P3H4: variants seen among roughly 807,000 people sequenced by gnomAD.
The protein encoded by P3H4 is endoplasmic reticulum protein SC65.
In P3H4, 47 loss-of-function variants were observed where a neutral mutation model predicts 52.9. That is an observed-to-expected ratio of 0.89 (90% CI 0.70 to 1.13). P3H4 has a LOEUF of 1.13. Among genes scored for constraint, P3H4 ranks in the 50% most tolerant of loss-of-function variants. The probability of loss-of-function intolerance (pLI) is 0.00; values close to 1 mark genes in which losing one functional copy is unlikely to be tolerated. For synonymous variants in P3H4, 256 were observed against 267.9 expected, an observed-to-expected ratio of 0.96 and a Z score of 0.44; for missense variants, 585 against 611.0, an observed-to-expected ratio of 0.96 and a Z score of 0.45.
At chr17:41,808,097 C>T in intron 4 of P3H4, 93 bp from the exon 5 acceptor site, 4 of 1,478,784 alleles carry the variant, frequency 2.7e-6, no homozygotes, top group Non-Finnish European at 3.6e-6. Flanking sequence ...TGCTACCCAG[C>T]CACCTCCCAG....
At chr17:41,809,144 G>A (rs1555614577) in intron 4 of P3H4, among the ~76,000 whole-genome samples, 2 of 152,192 alleles carry the variant, frequency 1.3e-5, no homozygotes, top group African/African-American at 4.8e-5. Context: ...AGTGTTGGCC[G>A]GTCATGGTGG....
intron 3 of P3H4, 125 bp downstream of exon 3, chr17:41,810,734 CAACA>C: frequency 1.6e-6 from 2 of 1,216,262 alleles, no homozygotes; most frequent in Non-Finnish European, 2.2e-6. Context: ...GCGTCTTTCT[CAACA>C]GACAAGGCCT....
chr17:41,810,747 C>T, intron 3 of P3H4, 116 bp downstream of exon 3: 1 of 1,314,274 alleles, frequency 7.6e-7, no homozygotes, highest in South Asian at 1.5e-5. Context: ...CAGACAAGGC[C>T]TTCCTCCCGG....
At position 41,811,899 on chromosome 17, in the gene P3H4, C is replaced by T. The variant is rs782127604; in HGVS notation, c.17G>A (p.Trp6Ter). 2.0e-6 allele frequency: 3 copies of T among 1,515,982 alleles called. No homozygotes were observed. The highest frequency in any genetic ancestry group is 1.2e-5 in the South Asian group (1 of 82,098). The allele number at this position is 1,515,982 out of a possible 1,614,324, so 93.9% of individuals were successfully genotyped here. A position where few individuals can be genotyped will look rare whatever the true frequency, so the allele number is the denominator to read the frequency against. Residue 6 changes from tryptophan to a stop codon, truncating the protein, a stop_gained, in exon 1 of 8, where the codon TGG becomes TAG. Transcript: ENST00000393928. LOFTEE classifies it high-confidence loss of function. The surrounding 1 kb of genome is among the most constrained non-coding windows in gnomAD (Gnocchi z 4.8). MARVA[W>*]GLLWLLLGSA... ...GCCCAGCAGCAACCACAGCAGCCCC[C>T]ACGCCACCCGAGCCATGCCCGCCGC...
chr17:41,803,803 A>G (rs2047643774), intron 6 of P3H4, among the ~76,000 whole-genome samples: 3 of 152,162 alleles, frequency 2.0e-5, no homozygotes, highest in African/African-American at 7.2e-5. Flanking sequence ...TAATCCCTCC[A>G]AAGCCAGGCA....
chr17:41,803,140 G>A (rs1185151051), intron 7 of P3H4, 147 bp downstream of exon 7: 35 of 1,426,224 alleles, frequency 2.5e-5, no homozygotes, highest in Non-Finnish European at 3.1e-5. Flanking sequence ...AAGCGGGACA[G>A]GGGTTGCCAA....
Position 41,806,894 on chromosome 17 carries a change from G to A in P3H4, c.1063-15C>T. 1 of 1,606,564 alleles carries A rather than the reference G, an allele frequency of 6.2e-7. No individual in the cohort carries two copies. Among genetic ancestry groups the A allele is most frequent in the Non-Finnish European group, 8.5e-7 (1 of 1,174,714 alleles). The stretch of plus-strand genomic sequence containing the variant: ...AGCATGGCCTCCTGGAAGGAGGGAA[G>A]GACGGGGTGGGGGGTGAGCCATACC... On this transcript the variant is annotated splice_polypyrimidine_tract_variant and intron_variant, in intron 5 of 7. Coordinates refer to ENST00000393928, the MANE Select transcript of P3H4 (RefSeq NM_006455.3).
At chr17:41,803,121 A>T (rs2047635421) in intron 7 of P3H4, 142 bp from the exon 8 acceptor site, 2 of 1,412,826 alleles carry the variant, frequency 1.4e-6, no homozygotes, top group Non-Finnish European at 1.9e-6. Context: ...ATGCTGCACC[A>T]CCACCCCCAA....
chr17:41,811,084 C>T lies in P3H4; in HGVS notation c.615+48G>A. 1.2e-6 allele frequency: 2 copies of T among 1,609,994 alleles called. No homozygotes were observed. ...TCAGGGCGCCCCCAACATCTCCCCT[C>T]CTCTACTAGCCCTCCTCTACAAGCC... On this transcript the variant is annotated intron_variant, in intron 2 of 7. Transcript: ENST00000393928. The surrounding 1 kb of genome is among the most constrained non-coding windows in gnomAD (Gnocchi z 4.8).
Position 41,807,932 on chromosome 17 carries a change from T to A in P3H4, c.989A>T (p.Gln330Leu). ...GAACCGGTAATACACCAGGTTCTGC[T>A]GCATGACGCTGTCCTTGGGGTCGAA... ...MLFDPKDSVMQQNLVYYRFHR... is the reference protein window; with the variant it reads ...MLFDPKDSVMLQNLVYYRFHR... Residue 330 changes from glutamine to leucine, a missense_variant, in exon 5 of 8, where the codon CAG becomes CTG. Coordinates refer to ENST00000393928, the MANE Select transcript of P3H4 (RefSeq NM_006455.3). 1 of 1,614,218 alleles carries A rather than the reference T, an allele frequency of 6.2e-7. No individual in the cohort carries two copies. The highest frequency in any genetic ancestry group is 8.5e-7 in the Non-Finnish European group (1 of 1,180,028).
Position 41,809,839 on chromosome 17 carries a change from G to A in P3H4, c.788-5C>T, listed in dbSNP as rs782738508. The A allele has an allele frequency of 1.7e-5, 28 of 1,608,624 alleles. No homozygotes were observed. The highest frequency in any genetic ancestry group is 2.4e-5 in the Non-Finnish European group (28 of 1,176,422). ...GCAGGGACTCTGCAAAGAGATCTGA[G>A]GGTGGGAGGCAGCAGTGAGAGGCTG... On this transcript the variant is annotated splice_polypyrimidine_tract_variant and splice_region_variant and intron_variant, in intron 3 of 7. Transcript: ENST00000393928.
intron 4 of P3H4, among the ~76,000 whole-genome samples, chr17:41,808,218 C>A (rs1033788943): frequency 6.6e-6 from 1 of 152,092 alleles, no homozygotes; most frequent in South Asian, 2.1e-4. Context: ...CTGTTATTGT[C>A]TTTTTATTGT....
rs1447748918 is a variant in P3H4 at position 41,809,874 on chromosome 17, T to C, written c.788-40A>G. The C allele has an allele frequency of 2.5e-6, 4 of 1,598,154 alleles. No individual in the cohort carries two copies. The African/African-American group carries it at 4.0e-5, about 16-fold the overall frequency. ...CAGCAGTGAGAGGCTGGCATTGCAA[T>C]GAACATCTCCGTCCCCCCAGTGGAG... is the stretch of plus-strand genomic sequence containing the variant. On this transcript the variant is annotated intron_variant, in intron 3 of 7. Transcript: ENST00000393928.
chr17:41,810,621 G>A (rs998975191), intron 3 of P3H4: 2 of 511,942 alleles, frequency 3.9e-6, no homozygotes, highest in East Asian at 6.3e-5. Flanking sequence ...CCCTCTGCCT[G>A]GAAGGCCTAT....
In P3H4 at chr17:41,807,977, C is replaced by T; in HGVS notation, c.944G>A (p.Ser315Asn). The T allele has an allele frequency of 6.2e-7, 1 of 1,614,082 alleles. No homozygotes were observed. The highest frequency in any genetic ancestry group is 8.5e-7 in the Non-Finnish European group (1 of 1,179,962). The change falls in exon 5 of 8, where the codon AGC becomes AAC. Residue 315 changes from serine (S) to asparagine (N), a missense_variant. Transcript: ENST00000393928. Reference sequence around the variant, plus strand: ...GTCGAAGAGCATGTAGCTGGCGGCGCTGCGGGCAGCCTGGCGCACATCATT... The same window carrying T: ...GTCGAAGAGCATGTAGCTGGCGGCGTTGCGGGCAGCCTGGCGCACATCATT... ...KLNDVRQAAR[S>N]AASYMLFDPK... is the part of the protein sequence containing the mutation.
At chr17:41,810,460 C>T (rs2047717665) in intron 3 of P3H4, among the ~76,000 whole-genome samples, 1 of 152,134 alleles carries the variant, frequency 6.6e-6, no homozygotes, top group Admixed American at 6.5e-5. Flanking sequence ...GTGTGAGCCA[C>T]CACACCTGGC....
chr17:41,811,790 G>A lies in P3H4; in HGVS notation c.126C>T (p.His42=). The change falls in exon 1 of 8, where the codon CAC becomes CAT. Residue 42 remains histidine (H), a synonymous_variant. Coordinates refer to ENST00000393928, the MANE Select transcript of P3H4 (RefSeq NM_006455.3). This position sits in a 1 kb window ranked among gnomAD's most constrained non-coding sequence, Gnocchi z 4.8. Reference sequence around the variant, plus strand: ...TCTCTCCCTCGTACTGCTCCAGAGCGTGCCCGTACGCCGCGGCCAGCGGCA... The same window carrying A: ...TCTCTCCCTCGTACTGCTCCAGAGCATGCCCGTACGCCGCGGCCAGCGGCA... ...DLMPLAAAYG[H]ALEQYEGESW... is the part of the protein sequence containing the mutation. The A allele has an allele frequency of 6.5e-7, 1 of 1,535,464 alleles. No homozygotes were observed.
chr17:41,810,330 C>T (rs1290334084), intron 3 of P3H4, among the ~76,000 whole-genome samples: 4 of 151,944 alleles, frequency 2.6e-5, no homozygotes, highest in African/African-American at 9.7e-5. Context: ...CCCGCCACCA[C>T]GACCAGCTAA....
At chr17:41,809,111 A>G (rs1555614575) in intron 4 of P3H4, among the ~76,000 whole-genome samples, 1 of 152,220 alleles carries the variant, frequency 6.6e-6, no homozygotes, top group Non-Finnish European at 1.5e-5. Context: ...ACCACATAAG[A>G]TAAAGTGACT....
Sources: gnomAD v4.1 joint callset for allele counts (sites outside exome capture counted in the v4.1 genomes callset) on GRCh38, gnomAD v4.1.1 for gene constraint, Gnocchi (gnomAD v3.1) non-coding constraint, MANE v1.5 for transcripts, NCBI Gene and HGNC (gene_info 2026-07-23, HGNC 2026-07-21) for gene names.